The following RAI14 variants were observed in gnomAD, a reference collection of about 807,000 sequenced individuals.
The protein encoded by RAI14 is ankycorbin.
Under a neutral mutation model 115.4 loss-of-function variants are expected in RAI14, and 45 were observed. The ratio of observed to expected loss-of-function variants is 0.39; its 90% CI spans 0.31 to 0.50. The LOEUF is 0.50. Among genes scored for constraint, RAI14 ranks in the 20% least tolerant of loss-of-function variants. The probability of loss-of-function intolerance (pLI) is 0.85; values close to 1 mark genes in which losing one functional copy is unlikely to be tolerated. For missense variants in RAI14, 939 were observed against 1,131.2 expected, an observed-to-expected ratio of 0.83 and a Z score of 2.44; for synonymous variants, 371 against 415.4, an observed-to-expected ratio of 0.89 and a Z score of 1.30.
intron 5 of RAI14, among the ~76,000 whole-genome samples, chr5:34,805,468 CT>C (rs1754767731): frequency 1.3e-5 from 2 of 152,220 alleles, no homozygotes. Context: ...GCCATTCCCC[CT>C]CTCCAGTGGC....
At chr5:34,721,969 A>AT (rs2149997781) in intron 2 of RAI14, among the ~76,000 whole-genome samples, 1 of 152,210 alleles carries the variant, frequency 6.6e-6, no homozygotes, top group East Asian at 1.9e-4. Context: ...TCGGCCTCCC[A>AT]GAGTGCTGGG....
At chr5:34,670,148 C>T (rs757214277) in intron 1 of RAI14, among the ~76,000 whole-genome samples, 2 of 152,144 alleles carry the variant, frequency 1.3e-5, no homozygotes, top group Non-Finnish European at 2.9e-5. Context: ...CTCTATGTGC[C>T]AGCAGTAATT....
chr5:34,705,804 C>T (rs1309671575), intron 2 of RAI14, among the ~76,000 whole-genome samples: 3 of 152,180 alleles, frequency 2.0e-5, no homozygotes, highest in Non-Finnish European at 4.4e-5. Flanking sequence ...TGCACCACCA[C>T]ATCCGACTAA....
At chr5:34,742,728 A>G (rs1322839580) in intron 2 of RAI14, among the ~76,000 whole-genome samples, 1 of 151,934 alleles carries the variant, frequency 6.6e-6, no homozygotes, top group Non-Finnish European at 1.5e-5. Context: ...CAGTGGTGCG[A>G]TCTCGGCTCA....
At chr5:34,753,396 C>T (rs1276586771) in intron 2 of RAI14, among the ~76,000 whole-genome samples, 4 of 152,184 alleles carry the variant, frequency 2.6e-5, no homozygotes, top group Middle Eastern at 6.8e-3. Context: ...AGAGGATTTG[C>T]TTCTGGATTC....
At chr5:34,755,537 AT>A (rs1203564427) in intron 2 of RAI14, among the ~76,000 whole-genome samples, 2 of 152,144 alleles carry the variant, frequency 1.3e-5, no homozygotes, top group Non-Finnish European at 2.9e-5. Flanking sequence ...GGGCCAGATT[AT>A]TCTTGGTGGG....
At position 34,669,595 on chromosome 5, in the gene RAI14, C is replaced by G. The variant is rs563288742; in HGVS notation, c.-49+13120C>G. Among the ~76,000 whole-genome samples the G allele has an allele frequency of 7.2e-5, 11 of 152,292 alleles. 1 individual carries two copies. The South Asian group carries it at 2.3e-3, about 32-fold the overall frequency. Reference sequence around the variant, plus strand: ...TGTGGGCGCTTTTGTGTGTGGCTTCCCGAACAGTAGCACTGTGCACCTCTG... The same window carrying G: ...TGTGGGCGCTTTTGTGTGTGGCTTCGCGAACAGTAGCACTGTGCACCTCTG... On this transcript the variant is annotated intron_variant, in intron 1 of 17. Coordinates refer to ENST00000265109, the MANE Select transcript of RAI14 (RefSeq NM_015577.3).
At position 34,665,127 on chromosome 5, in the gene RAI14, ATGTG is replaced by A. The variant is rs1429644733; in HGVS notation, c.-49+8654_-49+8657del. Among the ~76,000 whole-genome samples, 306 of 70,788 alleles carry A rather than the reference ATGTG, an allele frequency of 4.3e-3. 115 individuals are homozygous for A. The highest frequency in any genetic ancestry group is 0.014 in the African/African-American group (296 of 20,820). 46.4% of individuals were successfully genotyped at this position (70,788 alleles called of 152,430 possible). ...TGTGTATATATATGTGTATATATGT[ATGTG>A]TATATATATACACATATATATGTGT... is the stretch of plus-strand genomic sequence containing the variant. On this transcript the variant is annotated intron_variant, in intron 1 of 17. Coordinates refer to ENST00000265109, the MANE Select transcript of RAI14 (RefSeq NM_015577.3).
chr5:34,804,404 G>A (rs970818207), intron 5 of RAI14, among the ~76,000 whole-genome samples: 2 of 152,126 alleles, frequency 1.3e-5, no homozygotes, highest in African/African-American at 2.4e-5. Flanking sequence ...CCATCCATAC[G>A]GTAACATCCA....
chr5:34,700,469 C>G (rs1372507598), intron 2 of RAI14, among the ~76,000 whole-genome samples: 1 of 152,176 alleles, frequency 6.6e-6, no homozygotes, highest in Non-Finnish European at 1.5e-5. Flanking sequence ...ATGTGGGATA[C>G]TTGTCCTTGC....
At chr5:34,776,249 T>C (rs1012943608) in intron 3 of RAI14, among the ~76,000 whole-genome samples, 1 of 152,154 alleles carries the variant, frequency 6.6e-6, no homozygotes, top group African/African-American at 2.4e-5. Context: ...GAATGATGGT[T>C]ACCACAGGAT....
chr5:34,745,385 T>C lies in RAI14; in HGVS notation c.37-12083T>C, dbSNP rs1746027639. On this transcript the variant is annotated intron_variant, in intron 2 of 17. Coordinates refer to ENST00000265109, the MANE Select transcript of RAI14 (RefSeq NM_015577.3). ...TCATCTCATGCTTTTCACCATATTT[T>C]GGGGACATCTAAGTGGCTCCCTAAT... 2.0e-5 allele frequency among the ~76,000 whole-genome samples: 3 copies of C among 152,312 alleles called. No individual in the cohort carries two copies. The South Asian group carries it at 6.2e-4, about 32-fold the overall frequency.
At chr5:34,695,821 T>C (rs1739157124) in intron 2 of RAI14, among the ~76,000 whole-genome samples, 1 of 149,234 alleles carries the variant, frequency 6.7e-6, no homozygotes, top group Non-Finnish European at 1.5e-5. Context: ...TTTTTTTTTT[T>C]CTGTGACAGT....
In RAI14 at chr5:34,776,828, T is replaced by G. The variant is rs1750917158; in HGVS notation, c.168-19111T>G. ...TATTAAAAAAACCCACCAAAACTCA[T>G]GTGCCCCATAAATATATATACCTAC... On this transcript the variant is annotated intron_variant, in intron 3 of 17. Transcript: ENST00000265109. 4.0e-5 allele frequency among the ~76,000 whole-genome samples: 5 copies of G among 125,620 alleles called. No homozygotes were observed. The Admixed American group carries it at 4.0e-4, about 10-fold the overall frequency. 82.4% of individuals were successfully genotyped at this position (125,620 alleles called of 152,430 possible).
intron 2 of RAI14, among the ~76,000 whole-genome samples, chr5:34,745,683 A>C (rs1346032490): frequency 6.6e-6 from 1 of 152,184 alleles, no homozygotes; most frequent in African/African-American, 2.4e-5. Flanking sequence ...CCTCCAGTGA[A>C]AAATCATGTG....
intron 3 of RAI14, among the ~76,000 whole-genome samples, chr5:34,795,219 G>A (rs188254089): frequency 1.0e-3 from 156 of 152,294 alleles, no homozygotes; most frequent in African/African-American, 3.6e-3. Context: ...TGCTGATCAT[G>A]GTTTGTGCTC....
intron 2 of RAI14, chr5:34,687,979 T>C: frequency 5.2e-6 from 6 of 1,155,630 alleles, no homozygotes; most frequent in Non-Finnish European, 7.2e-6. Context: ...GATGAGATGC[T>C]TATGGGATGA....
At chr5:34,736,739 A>T (rs1487153082) in intron 2 of RAI14, among the ~76,000 whole-genome samples, 1 of 152,228 alleles carries the variant, frequency 6.6e-6, no homozygotes, top group Non-Finnish European at 1.5e-5. Context: ...TAACAGTGAG[A>T]AAAAACACCA....
At chr5:34,697,599 AC>A (rs1466028141) in intron 2 of RAI14, among the ~76,000 whole-genome samples, 3 of 152,080 alleles carry the variant, frequency 2.0e-5, no homozygotes, top group African/African-American at 7.2e-5. Context: ...TTTTAAGTAC[AC>A]CATTTTACCG....
Sources: allele counts gnomAD v4.1 joint callset (sites outside exome capture counted in the v4.1 genomes callset), GRCh38; gene constraint gnomAD v4.1.1; transcripts MANE v1.5; gene names NCBI Gene and HGNC (gene_info 2026-07-23, HGNC 2026-07-21).